The following ROBO2 variants were observed in gnomAD, a reference collection of about 807,000 sequenced individuals.
ROBO2 encodes roundabout homolog 2.
Under a neutral mutation model 160.8 loss-of-function variants are expected in ROBO2, and 53 were observed. The observed-to-expected ratio is 0.33, with a 90% CI of 0.26 to 0.41. The LOEUF (loss-of-function observed/expected upper bound fraction) is 0.41. Among genes scored for constraint, ROBO2 ranks in the 10% least tolerant of loss-of-function variants. The pLI, the probability that ROBO2 is intolerant of heterozygous loss-of-function variation, is 1.00. For missense variants in ROBO2, 1,577 were observed against 1,722.4 expected (o/e 0.92, Z 1.49); for synonymous variants, 664 against 611.7 (o/e 1.09, Z -1.26).
intron 2 of ROBO2, among the ~76,000 whole-genome samples, chr3:76,253,505 C>T (rs796587225): frequency 5.8e-4 from 87 of 151,158 alleles, no homozygotes; most frequent in African/African-American, 2.0e-3. Context: ...AACACCTGGG[C>T]TCAAGCAATC....
chr3:76,967,497 G>A (rs909138082), intron 2 of ROBO2, among the ~76,000 whole-genome samples: 8 of 131,410 alleles, frequency 6.1e-5, no homozygotes, highest in South Asian at 2.5e-4. Context: ...ATAAGCCACC[G>A]CACCTGGCCA....
At position 77,635,022 on chromosome 3, in the gene ROBO2, C is replaced by T. The variant is rs1179711497; in HGVS notation, c.3913C>T (p.Arg1305Ter). The T allele has an allele frequency of 1.2e-6, 2 of 1,614,026 alleles. No homozygotes were observed. The highest frequency in any genetic ancestry group is 1.7e-5 in the Admixed American group (1 of 60,002). Reference sequence around the variant, plus strand: ...GGACCAACAACCAGCATTGCCTCATCGAAGGGAAGGAATGACAGATGGTAG... The same window carrying T: ...GGACCAACAACCAGCATTGCCTCATTGAAGGGAAGGAATGACAGATGGTAG... Residue 1305 changes from arginine to a stop codon, truncating the protein, a stop_gained, in exon 24 of 26, where the codon CGA (arginine) becomes TGA (stop). Transcript: ENST00000461745. LOFTEE classifies it high-confidence loss of function.
chr3:76,486,799 G>T (rs1577554489), intron 2 of ROBO2, among the ~76,000 whole-genome samples: 2 of 152,256 alleles, frequency 1.3e-5, no homozygotes, highest in South Asian at 4.1e-4. Context: ...CCATTGTCAT[G>T]TAATGAATGG....
chr3:77,227,263 G>A (rs115600141), intron 2 of ROBO2, among the ~76,000 whole-genome samples: 5,586 of 152,078 alleles, frequency 0.037, 225 homozygotes, highest in African/African-American at 0.095. Context: ...GTCATAAACC[G>A]CAGTTAAAAC....
intron 2 of ROBO2, among the ~76,000 whole-genome samples, chr3:76,928,435 C>T (rs910419379): frequency 6.7e-6 from 1 of 149,454 alleles, no homozygotes; most frequent in Non-Finnish European, 1.5e-5. Flanking sequence ...TGTTTGTGTG[C>T]TACTAAGTTT....
intron 1 of ROBO2, among the ~76,000 whole-genome samples, chr3:77,060,637 C>T (rs1016240420): frequency 1.5e-4 from 23 of 152,160 alleles, no homozygotes; most frequent in Non-Finnish European, 2.9e-4. Flanking sequence ...AGACCACCTC[C>T]TATTTGCCAA....
At chr3:77,485,201 T>C (rs1168616181) in intron 4 of ROBO2, among the ~76,000 whole-genome samples, 1 of 152,116 alleles carries the variant, frequency 6.6e-6, no homozygotes, top group East Asian at 1.9e-4. Context: ...TCAACTTCTT[T>C]CTGCTTGGCT....
intron 2 of ROBO2, among the ~76,000 whole-genome samples, chr3:77,318,437 G>T (rs1407099356): frequency 1.3e-5 from 2 of 152,212 alleles, no homozygotes; most frequent in Non-Finnish European, 2.9e-5. Context: ...AACATCTGCT[G>T]CAGGGAACTG....
At chr3:77,374,475 A>G (rs913744185) in intron 2 of ROBO2, among the ~76,000 whole-genome samples, 3 of 152,174 alleles carry the variant, frequency 2.0e-5, no homozygotes, top group African/African-American at 7.2e-5. Flanking sequence ...TTTATTTTTA[A>G]TTAAGGATCT....
intron 2 of ROBO2, among the ~76,000 whole-genome samples, chr3:77,146,874 C>G (rs1370512327): frequency 6.6e-6 from 1 of 152,016 alleles, no homozygotes; most frequent in African/African-American, 2.4e-5. Context: ...GATTGAGGCA[C>G]AAGAATCACT....
intron 2 of ROBO2, among the ~76,000 whole-genome samples, chr3:76,750,759 A>G (rs989561819): frequency 3.3e-5 from 5 of 152,158 alleles, no homozygotes; most frequent in Non-Finnish European, 7.3e-5. Flanking sequence ...GACCTCTTCA[A>G]GGAGAATTAG....
At chr3:76,959,263 T>C (rs1210810892) in intron 2 of ROBO2, among the ~76,000 whole-genome samples, 2 of 152,210 alleles carry the variant, frequency 1.3e-5, no homozygotes, top group African/African-American at 4.8e-5. Context: ...AAGTTGCTTA[T>C]AAAGGTTCAA....
At chr3:77,019,577 T>C (rs2062496019) in intron 2 of ROBO2, among the ~76,000 whole-genome samples, 1 of 152,090 alleles carries the variant, frequency 6.6e-6, no homozygotes, top group Non-Finnish European at 1.5e-5. Flanking sequence ...TTGAATGGAA[T>C]GAAAGGGAGA....
At chr3:75,972,986 G>GA (rs961137235) in intron 2 of ROBO2, among the ~76,000 whole-genome samples, 4 of 151,460 alleles carry the variant, frequency 2.6e-5, no homozygotes, top group Non-Finnish European at 5.9e-5. Context: ...CATAATCCGT[G>GA]AAAAAATCTA....
At chr3:76,137,719 G>T (rs903435606) in intron 2 of ROBO2, among the ~76,000 whole-genome samples, 2 of 151,490 alleles carry the variant, frequency 1.3e-5, no homozygotes, top group African/African-American at 4.8e-5. Flanking sequence ...TCTTTCCTCA[G>T]TTCCAAGAGG....
At chr3:76,674,667 A>C (rs1186511924) in intron 2 of ROBO2, among the ~76,000 whole-genome samples, 1 of 151,914 alleles carries the variant, frequency 6.6e-6, no homozygotes, top group Non-Finnish European at 1.5e-5. Context: ...TAGCACAAAC[A>C]AACAGTGCTT....
chr3:77,596,393 G>A lies in ROBO2; in HGVS notation c.2727-230G>A, dbSNP rs182646380. Among the ~76,000 whole-genome samples, 419 of 152,270 alleles carry A rather than the reference G, an allele frequency of 2.8e-3. 1 individual carries two copies. Among genetic ancestry groups the A allele is most frequent in the Non-Finnish European group, 4.8e-3 (328 of 68,034 alleles). On this transcript the variant is annotated intron_variant, in intron 18 of 25. Coordinates refer to ENST00000461745, the Ensembl canonical transcript of ROBO2. ...TCTACCAGTTTCAGGGCAGACACCTGAATTCATCTGGACATTGACAAAATC... is the reference window on the plus strand; with the variant it reads ...TCTACCAGTTTCAGGGCAGACACCTAAATTCATCTGGACATTGACAAAATC...
At chr3:76,740,786 T>C (rs1447780738) in intron 2 of ROBO2, among the ~76,000 whole-genome samples, 1 of 152,130 alleles carries the variant, frequency 6.6e-6, no homozygotes, top group Non-Finnish European at 1.5e-5. Flanking sequence ...TGATATGAGA[T>C]TCCAAGATTT....
intron 2 of ROBO2, among the ~76,000 whole-genome samples, chr3:76,181,305 T>C (rs972438417): frequency 6.6e-6 from 1 of 152,160 alleles, no homozygotes; most frequent in Non-Finnish European, 1.5e-5. Flanking sequence ...TTTGTTAATG[T>C]TGGATTAATT....
Sources: gnomAD v4.1 joint callset for allele counts (sites outside exome capture counted in the v4.1 genomes callset) on GRCh38, gnomAD v4.1.1 for gene constraint, MANE v1.5 for transcripts, NCBI Gene and HGNC (gene_info 2026-07-23, HGNC 2026-07-21) for gene names.